RASGEF1B: variants seen among roughly 807,000 people sequenced by gnomAD.
RASGEF1B encodes the protein ras-GEF domain-containing family member 1B.
RASGEF1B carries 30 observed loss-of-function variants against 65.7 expected under a neutral mutation model. That is an observed-to-expected ratio of 0.46 (90% CI 0.34 to 0.62). The LOEUF (loss-of-function observed/expected upper bound fraction) is 0.62. Ranked by LOEUF, RASGEF1B falls within the 20% of genes least tolerant of loss-of-function variation. The probability of loss-of-function intolerance (pLI) is 0.01; values close to 1 mark genes in which losing one functional copy is unlikely to be tolerated. For synonymous variants in RASGEF1B, 175 were observed against 194.8 expected, an observed-to-expected ratio of 0.90 and a Z score of 0.85; for missense variants, 495 against 580.1, an observed-to-expected ratio of 0.85 and a Z score of 1.51.
chr4:81,450,092 T>C (rs553050677), intron 4 of RASGEF1B, among the ~76,000 whole-genome samples: 1 of 152,314 alleles, frequency 6.6e-6, no homozygotes, highest in East Asian at 1.9e-4. Flanking sequence ...TGCTATTTGG[T>C]AATATGTTTG....
intron 13 of RASGEF1B, among the ~76,000 whole-genome samples, chr4:81,429,825 A>G (rs187720365): frequency 6.6e-6 from 1 of 151,564 alleles, no homozygotes; most frequent in Non-Finnish European, 1.5e-5. Flanking sequence ...GGTCGTCGAG[A>G]GGACACTGAG....
At chr4:81,443,843 T>C (rs951009590) in intron 8 of RASGEF1B, among the ~76,000 whole-genome samples, 1 of 152,212 alleles carries the variant, frequency 6.6e-6, no homozygotes, top group African/African-American at 2.4e-5. Flanking sequence ...TTATAAGAAA[T>C]TGCTGAACAG....
At position 81,435,284 on chromosome 4, in the gene RASGEF1B, G is replaced by A. The variant is rs573539395; in HGVS notation, c.1105-550C>T. On this transcript the variant is annotated intron_variant, in intron 10 of 13. Coordinates refer to ENST00000264400, the MANE Select transcript of RASGEF1B (RefSeq NM_152545.3). The stretch of plus-strand genomic sequence containing the variant: ...AAATTAGCCAGGTGTGGTGGCGGGC[G>A]CCTGTAGTCCCAGCTACTCGGGAGG... Among the ~76,000 whole-genome samples the A allele has an allele frequency of 1.2e-3, 176 of 151,180 alleles. 1 individual carries two copies. Among genetic ancestry groups the A allele is most frequent in the African/African-American group, 3.8e-3 (155 of 41,212 alleles).
intron 10 of RASGEF1B, among the ~76,000 whole-genome samples, chr4:81,438,638 T>TACATA (rs1721728104): frequency 2.6e-5 from 4 of 152,314 alleles, no homozygotes; most frequent in Admixed American, 6.5e-5. Context: ...TGTGTCATGG[T>TACATA]GGTTTGCTGC....
At chr4:81,465,547 C>T (rs1323884461) in intron 1 of RASGEF1B, among the ~76,000 whole-genome samples, 1 of 152,182 alleles carries the variant, frequency 6.6e-6, no homozygotes, top group Non-Finnish European at 1.5e-5. Flanking sequence ...AAAAGTTCAG[C>T]CTGACATTGA....
chr4:81,469,179 T>C (rs11932335), intron 1 of RASGEF1B, among the ~76,000 whole-genome samples: 5,633 of 152,310 alleles, frequency 0.037, 384 homozygotes, highest in African/African-American at 0.12. Context: ...AACAGTGCAA[T>C]TGGCCTCTTT....
intron 1 of RASGEF1B, among the ~76,000 whole-genome samples, chr4:81,461,661 G>A (rs957142003): frequency 1.3e-5 from 2 of 152,300 alleles, no homozygotes. Flanking sequence ...AATTAAAGTG[G>A]TGGTCTAAAG....
At chr4:81,429,653 C>T (rs1000860742) in intron 13 of RASGEF1B, among the ~76,000 whole-genome samples, 6 of 152,226 alleles carry the variant, frequency 3.9e-5, no homozygotes, top group Non-Finnish European at 5.9e-5. Context: ...TGGTGAGGAA[C>T]ACATCTGCTG....
intron 1 of RASGEF1B, among the ~76,000 whole-genome samples, chr4:81,468,686 A>G (rs1378329678): frequency 6.6e-6 from 1 of 152,204 alleles, no homozygotes; most frequent in East Asian, 1.9e-4. Context: ...TTCATAAATA[A>G]AAAAGAAATT....
At chr4:81,430,545 G>C (rs898529755) in intron 13 of RASGEF1B, among the ~76,000 whole-genome samples, 1 of 152,188 alleles carries the variant, frequency 6.6e-6, no homozygotes, top group Non-Finnish European at 1.5e-5. Flanking sequence ...ACACTGCCGT[G>C]GGGTCGGAGC....
chr4:81,435,771 G>A (rs1270609845), intron 10 of RASGEF1B, among the ~76,000 whole-genome samples: 1 of 131,212 alleles, frequency 7.6e-6, no homozygotes, highest in Non-Finnish European at 1.6e-5. Flanking sequence ...CAACGCGCCT[G>A]GCCTTTTTTT....
intron 4 of RASGEF1B, chr4:81,454,940 T>G (rs951934005): frequency 2.6e-5 from 4 of 152,236 alleles, no homozygotes; most frequent in Non-Finnish European, 5.9e-5. Context: ...TTATATCTAT[T>G]AAGATGCCAC....
chr4:81,466,668 A>C (rs1475537129), intron 1 of RASGEF1B, among the ~76,000 whole-genome samples: 1 of 151,082 alleles, frequency 6.6e-6, no homozygotes, highest in Non-Finnish European at 1.5e-5. Context: ...CTGAGGCAGG[A>C]GAATTGTTTG....
intron 10 of RASGEF1B, among the ~76,000 whole-genome samples, chr4:81,439,173 T>C (rs1042787049): frequency 2.0e-5 from 3 of 152,174 alleles, no homozygotes; most frequent in African/African-American, 7.2e-5. Flanking sequence ...CTGTCTTCCA[T>C]AATTATGTAA....
chr4:81,458,840 GT>G (rs1179788385), intron 2 of RASGEF1B: 1 of 152,392 alleles, frequency 6.6e-6, no homozygotes, highest in Non-Finnish European at 1.5e-5. Context: ...ATAAATGTAG[GT>G]TACCAAGGTA....
At chr4:81,446,391 AC>A (rs1267242854) in intron 6 of RASGEF1B, among the ~76,000 whole-genome samples, 1 of 151,984 alleles carries the variant, frequency 6.6e-6, no homozygotes, top group Non-Finnish European at 1.5e-5. Flanking sequence ...AAGTGTCCCT[AC>A]CCCTCTTCCC....
intron 4 of RASGEF1B, 188 bp downstream of exon 4, chr4:81,456,463 C>T (rs1285101193): frequency 2.8e-6 from 2 of 717,446 alleles, no homozygotes; most frequent in African/African-American, 1.7e-5. Flanking sequence ...AGATCATATC[C>T]CTTTGAAGTG....
intron 2 of RASGEF1B, among the ~76,000 whole-genome samples, chr4:81,458,257 A>G (rs1722520527): frequency 6.6e-6 from 1 of 152,246 alleles, no homozygotes; most frequent in African/African-American, 2.4e-5. Flanking sequence ...GCCAATAATG[A>G]AGTAGTGCTT....
rs1380956400 is a variant in RASGEF1B at position 81,459,398 on chromosome 4, G to A, written c.111C>T (p.Asn37=). ...SCGGLYYHDN[N]LLSGSLEALI... is the part of the protein sequence containing the mutation. Reference sequence around the variant, plus strand: ...GTGCTTCCAGGGATCCAGAGAGGAGGTTGTTGTCATGGTAATACAACCCTC... The same window carrying A: ...GTGCTTCCAGGGATCCAGAGAGGAGATTGTTGTCATGGTAATACAACCCTC... Residue 37 remains asparagine, a synonymous_variant, in exon 2 of 14, where the codon AAC becomes AAT. Coordinates refer to ENST00000264400, the MANE Select transcript of RASGEF1B (RefSeq NM_152545.3). 6.2e-7 allele frequency: 1 copy of A among 1,613,692 alleles called. No individual in the cohort carries two copies. Among genetic ancestry groups the A allele is most frequent in the Non-Finnish European group, 8.5e-7 (1 of 1,179,900 alleles).
Sources: gnomAD v4.1 joint callset for allele counts (sites outside exome capture counted in the v4.1 genomes callset) on GRCh38, gnomAD v4.1.1 for gene constraint, MANE v1.5 for transcripts, NCBI Gene and HGNC (gene_info 2026-07-23, HGNC 2026-07-21) for gene names.